Variants in ROBO2 observed in about 807,000 individuals in gnomAD.
ROBO2 encodes roundabout guidance receptor 2.
In ROBO2, 53 loss-of-function variants were observed where a neutral mutation model predicts 160.8. The observed-to-expected ratio is 0.33, with a 90% confidence interval of 0.26 to 0.41. The LOEUF (loss-of-function observed/expected upper bound fraction) is 0.41. ROBO2 is among the 10% of genes least tolerant of loss of function. ROBO2 has a pLI of 1.00. For missense variants in ROBO2, 1,577 were observed against 1,722.4 expected (o/e 0.92, Z 1.49); for synonymous variants, 664 against 611.7 (o/e 1.09, Z -1.26).
intron 2 of ROBO2, among the ~76,000 whole-genome samples, chr3:76,545,785 T>C (rs2083064380): frequency 6.6e-6 from 1 of 151,954 alleles, no homozygotes; most frequent in African/African-American, 2.4e-5. Context: ...TTCTAAATTT[T>C]TTCTTTCAAA....
exon 12 of ROBO2, chr3:77,565,027 C>T (rs753772733): frequency 3.1e-5 from 50 of 1,613,604 alleles, no homozygotes; most frequent in Non-Finnish European, 4.0e-5. Flanking sequence ...AAGAGGACTG[C>T]GGCCCAATAC....
At chr3:76,627,678 G>A (rs1358340504) in intron 2 of ROBO2, among the ~76,000 whole-genome samples, 1 of 88,812 alleles carries the variant, frequency 1.1e-5, no homozygotes, top group Admixed American at 1.0e-4. Flanking sequence ...AAAGCAATAA[G>A]GAAAAAAAGT....
intron 1 of ROBO2, among the ~76,000 whole-genome samples, chr3:77,041,119 C>G (rs1170816989): frequency 6.6e-6 from 1 of 152,122 alleles, no homozygotes; most frequent in Non-Finnish European, 1.5e-5. Flanking sequence ...GATTGGGCTC[C>G]CAGTTTTGTT....
intron 2 of ROBO2, among the ~76,000 whole-genome samples, chr3:77,263,636 C>T (rs2058925961): frequency 6.6e-6 from 1 of 152,182 alleles, no homozygotes; most frequent in Admixed American, 6.5e-5. Flanking sequence ...ACCCCATTTT[C>T]TTTATCTAGT....
At chr3:76,451,803 C>T (rs2077488794) in intron 2 of ROBO2, among the ~76,000 whole-genome samples, 1 of 152,094 alleles carries the variant, frequency 6.6e-6, no homozygotes, top group Non-Finnish European at 1.5e-5. Context: ...TCCTATGGAT[C>T]ACAGGGTATG....
At chr3:76,816,011 C>A (rs2065634365) in intron 2 of ROBO2, among the ~76,000 whole-genome samples, 1 of 152,070 alleles carries the variant, frequency 6.6e-6, no homozygotes, top group South Asian at 2.1e-4. Flanking sequence ...TCAAAATATT[C>A]ATGTATACTT....
chr3:75,997,574 G>T (rs2065766508), intron 2 of ROBO2, among the ~76,000 whole-genome samples: 1 of 148,544 alleles, frequency 6.7e-6, no homozygotes, highest in African/African-American at 2.5e-5. Flanking sequence ...CTTACTGCAA[G>T]CTCTGCCTCC....
chr3:77,071,397 G>T (rs558454787), intron 1 of ROBO2, among the ~76,000 whole-genome samples: 4 of 152,138 alleles, frequency 2.6e-5, no homozygotes, highest in African/African-American at 9.7e-5. Context: ...TGTCCTTTAC[G>T]ATTGTTGTAT....
chr3:77,089,613 C>T (rs1286563601), intron 1 of ROBO2, among the ~76,000 whole-genome samples: 1 of 152,150 alleles, frequency 6.6e-6, no homozygotes, highest in Non-Finnish European at 1.5e-5. Flanking sequence ...CACTGCTGTG[C>T]TTCCAGAAGG....
chr3:76,885,642 T>C (rs2073804297), intron 2 of ROBO2, among the ~76,000 whole-genome samples: 1 of 152,070 alleles, frequency 6.6e-6, no homozygotes, highest in South Asian at 2.1e-4. Flanking sequence ...AGAAGATGAA[T>C]GCAAACCACC....
chr3:75,939,257 A>T (rs1200351281), intron 2 of ROBO2, among the ~76,000 whole-genome samples: 4 of 152,194 alleles, frequency 2.6e-5, no homozygotes, highest in Non-Finnish European at 4.4e-5. Context: ...AGTATCACAC[A>T]GGGTTGCTAA....
intron 2 of ROBO2, among the ~76,000 whole-genome samples, chr3:77,214,940 G>A (rs1430749215): frequency 7.9e-5 from 12 of 151,160 alleles, no homozygotes; most frequent in East Asian, 5.9e-4. Flanking sequence ...AGTGTCTGCC[G>A]AGAGATCAGC....
chr3:77,318,268 G>A (rs1295648515), intron 2 of ROBO2, among the ~76,000 whole-genome samples: 2 of 151,958 alleles, frequency 1.3e-5, no homozygotes, highest in Admixed American at 6.6e-5. Context: ...TGCTGACCTC[G>A]GGCGATCCGC....
Position 77,098,127 on chromosome 3 carries a change from A to G in ROBO2, c.175A>G (p.Thr59Ala), listed in dbSNP as rs758055441. Residue 59 changes from threonine to alanine, a missense_variant, in exon 2 of 26, where the codon ACG (threonine) becomes GCG (alanine). Physicochemically the swap from Thr to Ala is moderately conservative, Grantham distance 58. Coordinates refer to ENST00000461745, the Ensembl canonical transcript of ROBO2. ...GAACTGCAAGGCGGAGGGCCGGCCAACGCCCACCATTGAGTGGTACAAAGA... is the reference window on the plus strand; with the variant it reads ...GAACTGCAAGGCGGAGGGCCGGCCAGCGCCCACCATTGAGTGGTACAAAGA... 17 of 1,614,046 alleles carry G rather than the reference A, an allele frequency of 1.1e-5. No homozygotes were observed. The highest frequency in any genetic ancestry group is 1.7e-5 in the Admixed American group (1 of 60,004).
intron 2 of ROBO2, among the ~76,000 whole-genome samples, chr3:76,980,406 G>C (rs1461536754): frequency 6.6e-6 from 1 of 152,146 alleles, no homozygotes; most frequent in Non-Finnish European, 1.5e-5. Flanking sequence ...GGGGCAGCTG[G>C]AGGATGAACG....
chr3:77,630,537 G>A (rs1370635715), intron 23 of ROBO2: 4 of 150,708 alleles, frequency 2.7e-5, no homozygotes, highest in Non-Finnish European at 5.9e-5. Context: ...ATTACAATTC[G>A]AGATGAAATT....
intron 2 of ROBO2, among the ~76,000 whole-genome samples, chr3:76,270,894 G>T (rs1435587898): frequency 6.6e-6 from 1 of 152,016 alleles, no homozygotes; most frequent in Non-Finnish European, 1.5e-5. Flanking sequence ...ATAGCTGGAA[G>T]CTTCAGTTTC....
At chr3:77,605,295 A>T (rs2153694588) in intron 20 of ROBO2, among the ~76,000 whole-genome samples, 1 of 152,140 alleles carries the variant, frequency 6.6e-6, no homozygotes, top group Admixed American at 6.5e-5. Context: ...TTCTCACCTT[A>T]AAGTGATTGA....
chr3:76,532,014 A>C (rs2108067845), intron 2 of ROBO2, among the ~76,000 whole-genome samples: 1 of 152,222 alleles, frequency 6.6e-6, no homozygotes, highest in East Asian at 1.9e-4. Context: ...TCTTTTCAAC[A>C]CCAGAACCTG....
Sources: gnomAD v4.1 joint callset for allele counts (sites outside exome capture counted in the v4.1 genomes callset) on GRCh38, gnomAD v4.1.1 for gene constraint, MANE v1.5 for transcripts, NCBI Gene and HGNC (gene_info 2026-07-23, HGNC 2026-07-21) for gene names.